CHODL: variants seen among roughly 807,000 people sequenced by gnomAD.
CHODL encodes chondrolectin.
In CHODL, 29 loss-of-function variants were observed where a neutral mutation model predicts 34.5. The observed-to-expected ratio is 0.84, with a 90% CI of 0.63 to 1.15. The LOEUF is 1.15. CHODL is among the 50% of genes most tolerant of loss of function. CHODL has a pLI of 0.00. For missense variants in CHODL, 332 were observed against 332.5 expected (o/e 1.00, Z 0.01); for synonymous variants, 125 against 116.1 (o/e 1.08, Z -0.49).
At chr21:17,931,304 G>T (rs898580942) in intron 1 of CHODL, among the ~76,000 whole-genome samples, 1 of 152,114 alleles carries the variant, frequency 6.6e-6, no homozygotes, top group Non-Finnish European at 1.5e-5. Flanking sequence ...TGCAAAGCCC[G>T]ATACAAAACA....
At chr21:17,930,876 A>G (rs1768022657) in intron 1 of CHODL, among the ~76,000 whole-genome samples, 1 of 152,164 alleles carries the variant, frequency 6.6e-6, no homozygotes, top group South Asian at 2.1e-4. Context: ...AGTTGTCTGT[A>G]TTGAGCTGAG....
intron 1 of CHODL, among the ~76,000 whole-genome samples, chr21:17,931,077 A>T (rs2063268759): frequency 6.6e-6 from 1 of 152,148 alleles, no homozygotes; most frequent in African/African-American, 2.4e-5. Flanking sequence ...GAGCTGGTGG[A>T]GCCCCCTCTC....
intron 2 of CHODL, among the ~76,000 whole-genome samples, chr21:18,109,014 C>A (rs2146558071): frequency 6.6e-6 from 1 of 150,600 alleles, no homozygotes. Context: ...GAACTTATAG[C>A]AGAATGTTGA....
intron 1 of CHODL, among the ~76,000 whole-genome samples, chr21:18,025,568 A>G (rs2064166723): frequency 6.6e-6 from 1 of 152,032 alleles, no homozygotes; most frequent in Non-Finnish European, 1.5e-5. Flanking sequence ...AGCATTCTTA[A>G]TTTTCAAGAT....
chr21:18,019,990 C>A (rs2064112823), intron 1 of CHODL, among the ~76,000 whole-genome samples: 1 of 152,070 alleles, frequency 6.6e-6, no homozygotes, highest in Non-Finnish European at 1.5e-5. Context: ...CTCCGTGAGT[C>A]CAGGGACTCT....
At chr21:17,978,458 C>G (rs2063686260) in intron 1 of CHODL, among the ~76,000 whole-genome samples, 1 of 151,076 alleles carries the variant, frequency 6.6e-6, no homozygotes, top group Non-Finnish European at 1.5e-5. Flanking sequence ...GTGGCGCACG[C>G]CTGTAATCCC....
chr21:18,266,348 C>G lies in CHODL; in HGVS notation c.*310C>G. The G allele has an allele frequency of 1.6e-6, 1 of 618,782 alleles. No homozygotes were observed. The highest frequency in any genetic ancestry group is 2.6e-6 in the Non-Finnish European group (1 of 380,786). 38.3% of individuals were successfully genotyped at this position (618,782 alleles called of 1,614,324 possible). A position where few individuals can be genotyped will look rare whatever the true frequency, so the allele number is the denominator to read the frequency against. ...ACGTCGGGAGTATGTGTGTTAGAAGCAATTCCTTTTATTTCTTTCACCTTT... is the reference window on the plus strand; with the variant it reads ...ACGTCGGGAGTATGTGTGTTAGAAGGAATTCCTTTTATTTCTTTCACCTTT... On this transcript the variant is annotated 3_prime_UTR_variant, in exon 6 of 6. Transcript: ENST00000299295.
At chr21:18,014,292 C>T (rs957942628) in intron 1 of CHODL, among the ~76,000 whole-genome samples, 1 of 152,164 alleles carries the variant, frequency 6.6e-6, no homozygotes, top group Non-Finnish European at 1.5e-5. Context: ...GAATACTACA[C>T]AGCCATTAAA....
At chr21:18,022,841 CT>C (rs1419597125) in intron 1 of CHODL, among the ~76,000 whole-genome samples, 11 of 152,162 alleles carry the variant, frequency 7.2e-5, no homozygotes, top group Admixed American at 6.5e-4. Context: ...CTTGTTTAGT[CT>C]TCACAATAAA....
chr21:18,081,033 C>T (rs2064935247), intron 2 of CHODL, among the ~76,000 whole-genome samples: 1 of 152,056 alleles, frequency 6.6e-6, no homozygotes. Flanking sequence ...TTATAGTTCT[C>T]CTTATAGAGA....
intron 2 of CHODL, among the ~76,000 whole-genome samples, chr21:18,030,499 A>G (rs2064235252): frequency 6.6e-6 from 1 of 152,192 alleles, no homozygotes; most frequent in Admixed American, 6.5e-5. Context: ...AGAAACTGTG[A>G]CATACTATAA....
intron 1 of CHODL, among the ~76,000 whole-genome samples, chr21:17,928,040 C>T (rs1359212071): frequency 6.6e-6 from 1 of 152,146 alleles, no homozygotes; most frequent in Non-Finnish European, 1.5e-5. Context: ...AATAGGTTCA[C>T]TAGGGTTCAA....
intron 2 of CHODL, among the ~76,000 whole-genome samples, chr21:18,045,561 T>C (rs572620159): frequency 6.6e-6 from 1 of 152,058 alleles, no homozygotes; most frequent in East Asian, 1.9e-4. Context: ...GGAGAAAGCA[T>C]GGCCCTGTGA....
chr21:18,086,041 CTTTTTTTTT>C lies in CHODL; in HGVS notation c.-45+58088_-45+58096del, dbSNP rs3984977. 5.4e-4 allele frequency among the ~76,000 whole-genome samples: 21 copies of C among 38,748 alleles called. No homozygotes were observed. The Admixed American group carries it at 6.0e-3, about 11-fold the overall frequency. The allele number at this position is 38,748 out of a possible 152,430, so 25.4% of individuals were successfully genotyped here. ...TTCCAGATGTCTTGAAGACTTTGTT[CTTTTTTTTT>C]TTTTTTTTTTTTTTTTTGCCTGCTT... On this transcript the variant is annotated intron_variant, in intron 2 of 6. Transcript: ENST00000400127.
chr21:18,212,784 A>C (rs1338314964), intron 2 of CHODL, among the ~76,000 whole-genome samples: 2 of 152,138 alleles, frequency 1.3e-5, no homozygotes, highest in African/African-American at 4.8e-5. Flanking sequence ...ATCTATATAA[A>C]AATTGTGTGT....
intron 2 of CHODL, among the ~76,000 whole-genome samples, chr21:18,184,896 T>C (rs911665984): frequency 6.6e-6 from 1 of 152,198 alleles, no homozygotes; most frequent in Non-Finnish European, 1.5e-5. Context: ...ATGGAAACTT[T>C]CAAACCTTTT....
chr21:17,969,811 G>A (rs1176690634), intron 1 of CHODL, among the ~76,000 whole-genome samples: 2 of 152,168 alleles, frequency 1.3e-5, no homozygotes, highest in African/African-American at 2.4e-5. Context: ...TCCTAAAGGT[G>A]TATATGACTT....
In CHODL at chr21:18,262,773, G is replaced by C; in HGVS notation, c.635-18G>C. On this transcript the variant is annotated intron_variant, in intron 4 of 5. Transcript: ENST00000299295. The stretch of plus-strand genomic sequence containing the variant: ...TTCCTCAACTATCTTTTCACATGAA[G>C]ACTGTTTTATTTTGTAGGTATAATT... 7.5e-7 allele frequency: 1 copy of C among 1,325,202 alleles called. No individual in the cohort carries two copies. Among genetic ancestry groups the C allele is most frequent in the Non-Finnish European group, 1.1e-6 (1 of 922,900 alleles). 82.1% of individuals were successfully genotyped at this position (1,325,202 alleles called of 1,614,324 possible).
At position 18,166,756 on chromosome 21, in the gene CHODL, A is replaced by G. The variant is rs1025941781; in HGVS notation, c.-44-89753A>G. Among the ~76,000 whole-genome samples, 4 of 152,248 alleles carry G rather than the reference A, an allele frequency of 2.6e-5. No individual in the cohort carries two copies. In the East Asian group the frequency reaches 7.7e-4, roughly 29 times the overall value. ...TGATATTACTGAATTCTTTTGTACT[A>G]TAATTTTATTTAGGAGTTTAAATCA... On this transcript the variant is annotated intron_variant, in intron 2 of 6. Transcript: ENST00000400127.
Sources: gnomAD v4.1 joint callset for allele counts (sites outside exome capture counted in the v4.1 genomes callset) on GRCh38, gnomAD v4.1.1 for gene constraint, MANE v1.5 for transcripts, NCBI Gene and HGNC (gene_info 2026-07-23, HGNC 2026-07-21) for gene names.